RAI14: variants seen among roughly 807,000 people sequenced by gnomAD.
RAI14 encodes the protein retinoic acid induced 14, also known as ankycorbin.
A neutral mutation model predicts 115.4 loss-of-function variants in RAI14; 45 were observed. The observed-to-expected ratio is 0.39, with a 90% CI of 0.31 to 0.50. The LOEUF is 0.50. RAI14 is among the 20% of genes least tolerant of loss of function. The probability of loss-of-function intolerance (pLI) is 0.85; values close to 1 mark genes in which losing one functional copy is unlikely to be tolerated. For synonymous variants in RAI14, 371 were observed against 415.4 expected (o/e 0.89, Z 1.30); for missense variants, 939 against 1,131.2 (o/e 0.83, Z 2.44).
intron 3 of RAI14, 63 bp from the exon 4 acceptor site, chr5:34,795,876 C>T (rs6897719): frequency 0.16 from 224,900 of 1,396,702 alleles, 20,889 homozygotes; most frequent in African/African-American, 0.34. Flanking sequence ...GGGGGAAACT[C>T]TGTTGGAGAT....
chr5:34,714,205 CTCTATTACCATATT>C (rs1172521903), intron 2 of RAI14, among the ~76,000 whole-genome samples: 1 of 152,178 alleles, frequency 6.6e-6, no homozygotes, highest in Non-Finnish European at 1.5e-5. Context: ...CTTATAAAAG[CTCTATTACCATATT>C]TCTAATTTTT....
At chr5:34,787,820 A>C (rs1397710128) in intron 3 of RAI14, among the ~76,000 whole-genome samples, 1 of 139,112 alleles carries the variant, frequency 7.2e-6, no homozygotes, top group East Asian at 2.1e-4. Flanking sequence ...ATTTGTTTTT[A>C]TAGAATTATG....
chr5:34,722,151 C>T (rs75888941), intron 2 of RAI14, among the ~76,000 whole-genome samples: 770 of 1,706 alleles, frequency 0.45, 5 homozygotes, highest in Admixed American at 0.47. Context: ...GTTGTGGCCC[C>T]GCCCACCCCC....
rs1757589225 is a variant in RAI14, at chr5:34,827,700, T to C, written c.2799+1221T>C. On this transcript the variant is annotated intron_variant, in intron 16 of 17. Coordinates refer to ENST00000265109, the MANE Select transcript of RAI14 (RefSeq NM_015577.3). This position sits in a 1 kb window ranked among gnomAD's most constrained non-coding sequence, Gnocchi z 4.2. ...GCAGGTCATTCTTCTCCTGATAAAA[T>C]GGTATTACAGACTTGTAGATAAAGT... 6.6e-6 allele frequency among the ~76,000 whole-genome samples: 1 copy of C among 152,214 alleles called. No homozygotes were observed. The highest frequency in any genetic ancestry group is 2.1e-4 in the South Asian group (1 of 4,828).
At chr5:34,819,018 G>T (rs1176870869) in intron 13 of RAI14, among the ~76,000 whole-genome samples, 167 bp downstream of exon 13, 1 of 152,150 alleles carries the variant, frequency 6.6e-6, no homozygotes. Flanking sequence ...GTACTTCAGG[G>T]TGCCTTCTTC....
intron 3 of RAI14, among the ~76,000 whole-genome samples, chr5:34,760,140 C>G (rs2150100559): frequency 6.6e-6 from 1 of 152,224 alleles, no homozygotes; most frequent in Admixed American, 6.5e-5. Flanking sequence ...CCTCTGCCTC[C>G]TGGGTTCAAG....
rs1183160064 is a variant in RAI14 at position 34,832,438 on chromosome 5, T to A, written c.*1673T>A. 2 of 152,646 alleles carry A rather than the reference T, an allele frequency of 1.3e-5. No homozygotes were observed. The highest frequency in any genetic ancestry group is 2.4e-5 in the African/African-American group (1 of 41,452). The allele number at this position is 152,646 out of a possible 1,614,324, so 9.5% of individuals were successfully genotyped here. ...AGAAATGCTGCAGAGTATATAAAACTTGAGACATTTTTGTAGGATGCCTGA... is the reference window on the plus strand; with the variant it reads ...AGAAATGCTGCAGAGTATATAAAACATGAGACATTTTTGTAGGATGCCTGA... On this transcript the variant is annotated 3_prime_UTR_variant, in exon 18 of 18. Transcript: ENST00000265109.
At chr5:34,666,027 A>G (rs186178758) in intron 1 of RAI14, among the ~76,000 whole-genome samples, 3 of 152,334 alleles carry the variant, frequency 2.0e-5, no homozygotes, top group East Asian at 3.9e-4. Context: ...TTGTAATATG[A>G]CTATTTCACA....
chr5:34,744,718 A>G (rs558834100), intron 2 of RAI14, among the ~76,000 whole-genome samples: 15 of 152,360 alleles, frequency 9.8e-5, no homozygotes, highest in African/African-American at 3.6e-4. Context: ...GGATAACAAT[A>G]TCTGCCTCAG....
At chr5:34,754,036 G>A (rs138661601) in intron 2 of RAI14, among the ~76,000 whole-genome samples, 6,164 of 151,824 alleles carry the variant, frequency 0.041, 178 homozygotes, top group South Asian at 0.096. Flanking sequence ...AGCCAAGATC[G>A]TGCCACTGCA....
Position 34,824,066 on chromosome 5 carries a change from A to T in RAI14, c.2224A>T (p.Thr742Ser). The change falls in exon 15 of 18, where the codon ACT (threonine) becomes TCT (serine). Residue 742 changes from threonine to serine, a missense_variant. By Grantham distance (58) the Thr-to-Ser change is moderately conservative. Transcript: ENST00000265109. ...EHLQVITTLR[T>S]AAKEMEEKIS... The stretch of plus-strand genomic sequence containing the variant: ...TTTGCAAGTGATAACCACGCTGCGG[A>T]CTGCAGCAAAAGAGATGGAAGAAAA... The T allele has an allele frequency of 6.2e-7, 1 of 1,614,046 alleles. No homozygotes were observed. The highest frequency in any genetic ancestry group is 2.2e-5 in the East Asian group (1 of 44,888).
At chr5:34,711,686 G>C (rs1741420807) in intron 2 of RAI14, among the ~76,000 whole-genome samples, 1 of 152,170 alleles carries the variant, frequency 6.6e-6, no homozygotes, top group African/African-American at 2.4e-5. Flanking sequence ...ACAGCAAGAA[G>C]ACAGCTGTCT....
intron 3 of RAI14, among the ~76,000 whole-genome samples, chr5:34,784,851 T>C (rs928995769): frequency 6.6e-6 from 1 of 152,246 alleles, no homozygotes; most frequent in Non-Finnish European, 1.5e-5. Flanking sequence ...AGATTACTCA[T>C]GGCATAGGTA....
chr5:34,756,122 C>T (rs1747845619), intron 2 of RAI14, among the ~76,000 whole-genome samples: 1 of 152,118 alleles, frequency 6.6e-6, no homozygotes, highest in East Asian at 1.9e-4. Flanking sequence ...CTCTTTTATC[C>T]CTCCCTGGCT....
chr5:34,767,694 A>G (rs890360999), intron 3 of RAI14, among the ~76,000 whole-genome samples: 1 of 149,176 alleles, frequency 6.7e-6, no homozygotes, highest in African/African-American at 2.5e-5. Flanking sequence ...AGCCATTTCT[A>G]AAATTTCCTG....
intron 2 of RAI14, among the ~76,000 whole-genome samples, chr5:34,720,495 C>T (rs968341446): frequency 4.0e-5 from 6 of 149,478 alleles, no homozygotes; most frequent in Middle Eastern, 3.5e-3. Flanking sequence ...ACTGGAAGCT[C>T]CACCTCCCGG....
At chr5:34,692,611 CTT>C (rs572243576) in intron 2 of RAI14, among the ~76,000 whole-genome samples, 3 of 144,716 alleles carry the variant, frequency 2.1e-5, no homozygotes, top group South Asian at 2.2e-4. Context: ...TAAGCTAAGC[CTT>C]TTTTTTTTTT....
chr5:34,733,928 G>C (rs138694100), intron 2 of RAI14, among the ~76,000 whole-genome samples: 9 of 152,272 alleles, frequency 5.9e-5, no homozygotes, highest in African/African-American at 2.2e-4. Flanking sequence ...CAGCCATCTT[G>C]GTTGGGGTAC....
chr5:34,751,143 G>T (rs149049968), intron 2 of RAI14, among the ~76,000 whole-genome samples: 1 of 127,230 alleles, frequency 7.9e-6, no homozygotes, highest in Non-Finnish European at 1.6e-5. Flanking sequence ...GAGCCACCGC[G>T]CCCGGCCATA....
Sources: allele counts gnomAD v4.1 joint callset (sites outside exome capture counted in the v4.1 genomes callset), GRCh38; gene constraint gnomAD v4.1.1; non-coding constraint Gnocchi (gnomAD v3.1); transcripts MANE v1.5; gene names NCBI Gene and HGNC (gene_info 2026-07-23, HGNC 2026-07-21).